Variants in SNX21 observed in about 807,000 individuals in gnomAD.
SNX21 encodes the protein sorting nexin family member 21, also known as sorting nexin-21.
SNX21 carries 36 observed loss-of-function variants against 30.9 expected under a neutral mutation model. The observed-to-expected ratio is 1.16, with a 90% CI of 0.89 to 1.54. The LOEUF is 1.54. SNX21 is among the 40% of genes most tolerant of loss of function. The pLI, the probability that SNX21 is intolerant of heterozygous loss-of-function variation, is 0.00. For missense variants in SNX21, 508 were observed against 516.5 expected (o/e 0.98, Z 0.16); for synonymous variants, 218 against 222.7 (o/e 0.98, Z 0.19).
Position 45,835,128 on chromosome 20 carries a change from T to C in SNX21, c.447+12T>C, listed in dbSNP as rs762662672. 6.8e-6 allele frequency: 11 copies of C among 1,606,582 alleles called. No homozygotes were observed. Among genetic ancestry groups the C allele is most frequent in the Admixed American group, 5.1e-5 (3 of 59,202 alleles). On this transcript the variant is annotated intron_variant, in intron 3 of 3. Transcript: ENST00000491381. ...CCTCCAAGTACGTGGTGAGTGAGGG[T>C]CTAGAACCCCTGGGCTGTGAGTCCA...
In SNX21 at chr20:45,834,943, G is replaced by C; in HGVS notation, c.290-16G>C. The C allele has an allele frequency of 1.2e-6, 2 of 1,611,256 alleles. No homozygotes were observed. The highest frequency in any genetic ancestry group is 1.7e-6 in the Non-Finnish European group (2 of 1,178,578). ...TGGCCCTAGGCCCATTGATATGACTGGTCATGTGTCTGCAGAACGGAGCCC... is the reference window on the plus strand; with the variant it reads ...TGGCCCTAGGCCCATTGATATGACTCGTCATGTGTCTGCAGAACGGAGCCC... On this transcript the variant is annotated splice_polypyrimidine_tract_variant and intron_variant, in intron 2 of 3. Coordinates refer to ENST00000491381, the MANE Select transcript of SNX21 (RefSeq NM_033421.4).
chr20:45,841,558 C>CG lies in SNX21; in HGVS notation c.*251dup. 7.2e-7 allele frequency: 1 copy of CG among 1,390,092 alleles called. No homozygotes were observed. The highest frequency in any genetic ancestry group is 2.7e-5 in the East Asian group (1 of 37,432). 86.1% of individuals were successfully genotyped at this position (1,390,092 alleles called of 1,614,324 possible). On this transcript the variant is annotated 3_prime_UTR_variant, in exon 4 of 4. Transcript: ENST00000491381. ...ACAGCCTCTCCAGCCTATAAACAGC[C>CG]GGGGGGCTGTGGCACAGGTTGGGGC...
At position 45,842,636 on chromosome 20, in the gene SNX21, C is replaced by A; in HGVS notation, c.*1323C>A. On this transcript the variant is annotated 3_prime_UTR_variant, in exon 4 of 4. Transcript: ENST00000491381. ...TGTTTATGAGGATGATTGCTGGTTT[C>A]CCTTACACATAGCAGAGCTCACTCA... is the stretch of plus-strand genomic sequence containing the variant. 1.0e-6 allele frequency: 1 copy of A among 992,964 alleles called. No individual in the cohort carries two copies. Among genetic ancestry groups the A allele is most frequent in the Admixed American group, 5.6e-5 (1 of 17,932 alleles). 61.5% of individuals were successfully genotyped at this position (992,964 alleles called of 1,614,324 possible). A position where few individuals can be genotyped will look rare whatever the true frequency, so the allele number is the denominator to read the frequency against.
intron 1 of SNX21, 130 bp downstream of exon 1, chr20:45,834,070 C>G: frequency 7.1e-7 from 1 of 1,400,866 alleles, no homozygotes; most frequent in Middle Eastern, 2.1e-4. Flanking sequence ...CGCAAGACCT[C>G]GGACTGCCAG....
At chr20:45,838,063 C>A (rs1983691751) in intron 3 of SNX21, among the ~76,000 whole-genome samples, 1 of 151,472 alleles carries the variant, frequency 6.6e-6, no homozygotes. Context: ...AGCCACTACG[C>A]CCAGCCGAAC....
Position 45,841,380 on chromosome 20 carries a change from T to C in SNX21, c.*67T>C. 6.6e-7 allele frequency: 1 copy of C among 1,511,778 alleles called. No individual in the cohort carries two copies. The highest frequency in any genetic ancestry group is 8.8e-7 in the Non-Finnish European group (1 of 1,131,912). 93.6% of individuals were successfully genotyped at this position (1,511,778 alleles called of 1,614,324 possible). A position where few individuals can be genotyped will look rare whatever the true frequency, so the allele number is the denominator to read the frequency against. ...CCCAGAAGGCAGGGGAAGGACCTGA[T>C]GAGAACAGAATAGCTGGGAGGCTGC... On this transcript the variant is annotated 3_prime_UTR_variant, in exon 4 of 4. Coordinates refer to ENST00000491381, the MANE Select transcript of SNX21 (RefSeq NM_033421.4).
At position 45,834,260 on chromosome 20, in the gene SNX21, CG is replaced by C; in HGVS notation, c.85del (p.Glu29ArgfsTer107). 6.3e-7 allele frequency: 1 copy of C among 1,581,500 alleles called. No individual in the cohort carries two copies. The highest frequency in any genetic ancestry group is 8.5e-7 in the Non-Finnish European group (1 of 1,170,684). On this transcript the variant is annotated frameshift_variant, in exon 2 of 4. Coordinates refer to ENST00000491381, the MANE Select transcript of SNX21 (RefSeq NM_033421.4). LOFTEE classifies it high-confidence loss of function. Reference protein sequence around the residue: ...LRHALAGDGPGEAAASPEAEQ... With the variant: ...LRHALAGDGPXEAAASPEAEQ... ...GGCACGCCTTGGCCGGCGACGGCCC[CG>C]GGGAGGCGGCGGCCAGTCCAGAGGC...
Position 45,841,648 on chromosome 20 carries a change from C to A in SNX21, c.*335C>A. On this transcript the variant is annotated 3_prime_UTR_variant, in exon 4 of 4. Transcript: ENST00000491381. Reference sequence around the variant, plus strand: ...TCTTGGCTGAAGGCCAGGGACTCTGCCCCTGGAGTCCTGGAGTTAAGGGAT... The same window carrying A: ...TCTTGGCTGAAGGCCAGGGACTCTGACCCTGGAGTCCTGGAGTTAAGGGAT... The A allele has an allele frequency of 7.1e-7, 1 of 1,416,632 alleles. No homozygotes were observed. The highest frequency in any genetic ancestry group is 9.2e-7 in the Non-Finnish European group (1 of 1,092,232). 87.8% of individuals were successfully genotyped at this position (1,416,632 alleles called of 1,614,324 possible). A position where few individuals can be genotyped will look rare whatever the true frequency, so the allele number is the denominator to read the frequency against.
rs1192522652 is a variant in SNX21 at position 45,834,411 on chromosome 20, G to A, written c.232G>A (p.Glu78Lys). Residue 78 changes from glutamate (E) to lysine (K), a missense_variant, in exon 2 of 4, where the codon GAG (glutamate) becomes AAG (lysine). Glu to Lys is a moderately conservative substitution (Grantham distance 56). Transcript: ENST00000491381. ...CGAGGACGACGAGGACGAGGACGAC[G>A]AGGAGGCTGGCCCTGACCAGCTGCC... ...DDEDDEDEDD[E>K]EAGPDQLPLG... 12 of 1,606,262 alleles carry A rather than the reference G, an allele frequency of 7.5e-6. No homozygotes were observed. The highest frequency in any genetic ancestry group is 1.3e-5 in the African/African-American group (1 of 74,908).
chr20:45,842,533 T>G lies in SNX21; in HGVS notation c.*1220T>G. Reference sequence around the variant, plus strand: ...GAAGAAAGGACTCAGAAGAGAGGACTTGAGGCCATGAGGTCTGGCCTCTTC... The same window carrying G: ...GAAGAAAGGACTCAGAAGAGAGGACGTGAGGCCATGAGGTCTGGCCTCTTC... On this transcript the variant is annotated 3_prime_UTR_variant, in exon 4 of 4. Coordinates refer to ENST00000491381, the MANE Select transcript of SNX21 (RefSeq NM_033421.4). The G allele has an allele frequency of 9.9e-7, 1 of 1,008,534 alleles. No individual in the cohort carries two copies. The allele number at this position is 1,008,534 out of a possible 1,614,324, so 62.5% of individuals were successfully genotyped here.
At chr20:45,838,322 G>C (rs994585208) in intron 3 of SNX21, 1 of 151,712 alleles carries the variant, frequency 6.6e-6, no homozygotes, top group African/African-American at 2.4e-5. Context: ...GCCTTAAGCT[G>C]TTCTCCTGCC....
At chr20:45,839,750 A>AAAAAT (rs747452785) in intron 3 of SNX21, among the ~76,000 whole-genome samples, 1 of 149,322 alleles carries the variant, frequency 6.7e-6, no homozygotes. Flanking sequence ...AAAAAAAAAA[A>AAAAAT]TTTTTTTAAA....
rs770339693 is a variant in SNX21, at chr20:45,841,313, A to AG, written c.1122_*1insG. On this transcript the variant is annotated 3_prime_UTR_variant, in exon 4 of 4. Transcript: ENST00000491381. ...TGCTCATCAAGGAGGTGCTGGACTA[A>AG]CCCTTGCCTAGATTTAAGGCCACTG... 66 of 1,540,374 alleles carry AG rather than the reference A, an allele frequency of 4.3e-5. 1 individual carries two copies. The highest frequency in any genetic ancestry group is 3.4e-4 in the South Asian group (27 of 78,624).
rs111626213 is a variant in SNX21 at position 45,840,621 on chromosome 20, C to T, written c.448-18C>T. The T allele has an allele frequency of 3.3e-5, 53 of 1,613,640 alleles. 2 individuals are homozygous for T. The African/African-American group carries it at 3.6e-4, about 11-fold the overall frequency. Reference sequence around the variant, plus strand: ...CGTGGACAACTTGCATTTGCCCTGACACCCACCCTCCCTGCAGCTCTACAC... The same window carrying T: ...CGTGGACAACTTGCATTTGCCCTGATACCCACCCTCCCTGCAGCTCTACAC... On this transcript the variant is annotated intron_variant, in intron 3 of 3. Coordinates refer to ENST00000491381, the MANE Select transcript of SNX21 (RefSeq NM_033421.4).
Position 45,833,930 on chromosome 20 carries a change from G to A in SNX21, c.11G>A (p.Gly4Glu). The A allele has an allele frequency of 7.0e-7, 1 of 1,431,536 alleles. No homozygotes were observed. The highest frequency in any genetic ancestry group is 1.5e-5 in the South Asian group (1 of 65,616). The allele number at this position is 1,431,536 out of a possible 1,614,324, so 88.7% of individuals were successfully genotyped here. A position where few individuals can be genotyped will look rare whatever the true frequency, so the allele number is the denominator to read the frequency against. Reference protein sequence around the residue: MHRGTQEGAMASRL... With the variant: MHRETQEGAMASRL... ...GCGGCGCGCCCCTGAATGCACCGTG[G>A]GACGCAGGAGGTAGAGGCGCACGAG... is the stretch of plus-strand genomic sequence containing the variant. Residue 4 changes from glycine (G) to glutamate (E), a missense_variant, in exon 1 of 4, where the codon GGG (glycine) becomes GAG (glutamate). Gly to Glu is a moderately conservative substitution (Grantham distance 98). Transcript: ENST00000491381.
In SNX21 at chr20:45,842,597, G is replaced by C; in HGVS notation, c.*1284G>C. On this transcript the variant is annotated 3_prime_UTR_variant, in exon 4 of 4. Coordinates refer to ENST00000491381, the MANE Select transcript of SNX21 (RefSeq NM_033421.4). ...AGACTCTTTCTCCCTTGCTGGCTTT[G>C]GGCCCAAGTTTGATGTTTATGAGGA... The C allele has an allele frequency of 2.0e-6, 2 of 993,834 alleles. No homozygotes were observed. The highest frequency in any genetic ancestry group is 2.4e-6 in the Non-Finnish European group (2 of 835,084). 61.6% of individuals were successfully genotyped at this position (993,834 alleles called of 1,614,324 possible).
chr20:45,839,593 G>A (rs1860144556), intron 3 of SNX21, among the ~76,000 whole-genome samples: 1 of 152,068 alleles, frequency 6.6e-6, no homozygotes, highest in Non-Finnish European at 1.5e-5. Context: ...TAGTCAGAAA[G>A]ATTAAAAAAC....
In SNX21 at chr20:45,841,059, G is replaced by A. The variant is rs201785583; in HGVS notation, c.868G>A (p.Ala290Thr). Residue 290 changes from alanine (A) to threonine (T), a missense_variant, in exon 4 of 4, where the codon GCC (alanine) becomes ACC (threonine). By Grantham distance (58) the Ala-to-Thr change is moderately conservative. Transcript: ENST00000491381. ...CCCCCTGCTGACCCTGGCTGGGCTGGCCGTGTGCCACCAGGAGCTGGAAGA... is the reference window on the plus strand; with the variant it reads ...CCCCCTGCTGACCCTGGCTGGGCTGACCGTGTGCCACCAGGAGCTGGAAGA... The part of the protein sequence containing the change: ...DRPLLTLAGL[A>T]VCHQELEDPG... The A allele has an allele frequency of 6.9e-4, 1,116 of 1,609,370 alleles. 6 individuals carry two copies. The highest frequency in any genetic ancestry group is 2.3e-3 in the East Asian group (105 of 44,836).
chr20:45,834,380 G>T lies in SNX21; in HGVS notation c.201G>T (p.Glu67Asp). 1 of 1,600,638 alleles carries T rather than the reference G, an allele frequency of 6.2e-7. No homozygotes were observed. The highest frequency in any genetic ancestry group is 8.5e-7 in the Non-Finnish European group (1 of 1,176,320). Residue 67 changes from glutamate (E) to aspartate (D), a missense_variant, in exon 2 of 4, where the codon GAG (glutamate) becomes GAT (aspartate). Coordinates refer to ENST00000491381, the MANE Select transcript of SNX21 (RefSeq NM_033421.4). Reference protein sequence around the residue: ...LSGTLSFTSAEDDEDDEDEDD... With the variant: ...LSGTLSFTSADDDEDDEDEDD... ...GCACCCTCAGCTTCACCAGCGCCGA[G>T]GACGACGAGGACGACGAGGACGAGG...
Sources: gnomAD v4.1 joint callset for allele counts (sites outside exome capture counted in the v4.1 genomes callset) on GRCh38, gnomAD v4.1.1 for gene constraint, MANE v1.5 for transcripts, NCBI Gene and HGNC (gene_info 2026-07-23, HGNC 2026-07-21) for gene names.